Variants in KIF13A observed in about 807,000 individuals in gnomAD.
KIF13A encodes kinesin family member 13A, also known as kinesin-like protein KIF13A.
A neutral mutation model predicts 212.2 loss-of-function variants in KIF13A; 79 were observed. The observed-to-expected ratio is 0.37, with a 90% CI of 0.31 to 0.45. The LOEUF is 0.45. KIF13A is among the 20% of genes least tolerant of loss of function. The pLI is 1.00. For synonymous variants in KIF13A, 789 were observed against 808.6 expected (o/e 0.98, Z 0.41); for missense variants, 1,901 against 2,209.0 (o/e 0.86, Z 2.79).
rs1399852443 is a variant in KIF13A, at chr6:17,825,818, T to C, written c.1736A>G (p.Asn579Ser). 3 of 1,613,822 alleles carry C rather than the reference T, an allele frequency of 1.9e-6. No homozygotes were observed. In the African/African-American group the frequency reaches 4.0e-5, roughly 22 times the overall value. The part of the protein sequence containing the change: ...ASEASSEPDY[N>S]YEFAQMEVIM... ...AACTTCCATCTGTGCAAATTCATAG[T>C]TATAGTCTGGTTCAGAGGAAGCCTC... Residue 579 changes from asparagine (N) to serine (S), a missense_variant, in exon 16 of 39, where the codon AAC becomes AGC. Physicochemically the swap from Asn to Ser is conservative, Grantham distance 46 (BLOSUM62 1). Coordinates refer to ENST00000259711, the MANE Select transcript of KIF13A (RefSeq NM_022113.6). This position sits in a 1 kb window ranked among gnomAD's most constrained non-coding sequence, Gnocchi z 4.5.
intron 2 of KIF13A, among the ~76,000 whole-genome samples, chr6:17,943,400 A>ATTTTTTTTTTT (rs11311833): frequency 3.0e-5 from 4 of 132,290 alleles, no homozygotes; most frequent in African/African-American, 2.9e-5. Context: ...TAAAACACAG[A>ATTTTTTTTTTT]TTTTTTTTTT....
intron 3 of KIF13A, among the ~76,000 whole-genome samples, chr6:17,891,324 G>A (rs9297050): frequency 0.58 from 88,417 of 152,014 alleles, 27,172 homozygotes; most frequent in East Asian, 0.76. Flanking sequence ...ATGGTACAAA[G>A]CAATTTATAA....
chr6:17,837,695 T>C lies in KIF13A; in HGVS notation c.831-112A>G. The C allele has an allele frequency of 2.7e-6, 2 of 737,328 alleles. No homozygotes were observed. The highest frequency in any genetic ancestry group is 4.5e-6 in the Non-Finnish European group (2 of 445,490). 45.7% of individuals were successfully genotyped at this position (737,328 alleles called of 1,614,324 possible). ...AATACACGTTGGTGGCTCACGCCCGTAATCCCAGCACTTTGGGAGGCCAAG... is the reference window on the plus strand; with the variant it reads ...AATACACGTTGGTGGCTCACGCCCGCAATCCCAGCACTTTGGGAGGCCAAG... On this transcript the variant is annotated intron_variant, in intron 9 of 38. Coordinates refer to ENST00000259711, the MANE Select transcript of KIF13A (RefSeq NM_022113.6). The surrounding 1 kb of genome is among the most constrained non-coding windows in gnomAD (Gnocchi z 5.4).
rs1256271297 is a variant in KIF13A at position 17,834,402 on chromosome 6, A to C, written c.1156-331T>G. 6.6e-6 allele frequency among the ~76,000 whole-genome samples: 1 copy of C among 152,246 alleles called. No homozygotes were observed. The highest frequency in any genetic ancestry group is 2.4e-5 in the African/African-American group (1 of 41,466). ...AAGCAGGACAAAAGGTTACTTAAGC[A>C]GACTTCTTTTTCAATAAGACGGAGG... On this transcript the variant is annotated intron_variant, in intron 11 of 38. Coordinates refer to ENST00000259711, the MANE Select transcript of KIF13A (RefSeq NM_022113.6). This position sits in a 1 kb window ranked among gnomAD's most constrained non-coding sequence, Gnocchi z 4.0.
Position 17,771,411 on chromosome 6 carries a change from A to AGCATAATTAG in KIF13A, c.4477-203_4477-194dup, listed in dbSNP as rs1421542738. The AGCATAATTAG allele has an allele frequency of 7.1e-6, 4 of 562,976 alleles. No homozygotes were observed. Among genetic ancestry groups the AGCATAATTAG allele is most frequent in the Non-Finnish European group, 1.3e-5 (4 of 316,398 alleles). The allele number at this position is 562,976 out of a possible 1,614,324, so 34.9% of individuals were successfully genotyped here. On this transcript the variant is annotated intron_variant, in intron 37 of 38. Coordinates refer to ENST00000259711, the MANE Select transcript of KIF13A (RefSeq NM_022113.6). The surrounding 1 kb of genome is among the most constrained non-coding windows in gnomAD (Gnocchi z 5.4). ...GGAATAAACAGATTCTGTGGCAAAA[A>AGCATAATTAG]GCATAATTAGTCTTATTTAAAAAAC...
downstream of KIF13A, chr6:17,760,707 C>T: frequency 1.4e-6 from 1 of 710,910 alleles, no homozygotes. Flanking sequence ...AAGGAGGTGG[C>T]CCAGGAAGTG....
intron 3 of KIF13A, among the ~76,000 whole-genome samples, chr6:17,890,908 C>T (rs926159648): frequency 6.6e-6 from 1 of 151,992 alleles, no homozygotes; most frequent in African/African-American, 2.4e-5. Flanking sequence ...AATCCTCCTG[C>T]CTCAGCCTCC....
chr6:17,796,753 A>G lies in KIF13A; in HGVS notation c.2858T>C (p.Val953Ala). Residue 953 changes from valine to alanine, a missense_variant, in exon 23 of 39, where the codon GTA (valine) becomes GCA (alanine). Physicochemically the swap from Val to Ala is moderately conservative, Grantham distance 64. Transcript: ENST00000259711. ...FISDGALAIE[V>A]WGHRCAGNGS... is the part of the protein sequence containing the mutation. The stretch of plus-strand genomic sequence containing the variant: ...ATTTCCAGCACACCGGTGGCCCCAT[A>G]CTTCAATGGCCAGTGCTCCATCTGA... The G allele has an allele frequency of 6.3e-7, 1 of 1,591,540 alleles. No homozygotes were observed. Among genetic ancestry groups the G allele is most frequent in the Non-Finnish European group, 8.6e-7 (1 of 1,167,886 alleles).
chr6:17,882,339 T>C (rs1480586568), intron 3 of KIF13A, among the ~76,000 whole-genome samples: 1 of 152,242 alleles, frequency 6.6e-6, no homozygotes, highest in Non-Finnish European at 1.5e-5. Context: ...ACAAAACAAG[T>C]ATTCTTTTTC....
chr6:17,958,905 A>G (rs1178901742), intron 2 of KIF13A, among the ~76,000 whole-genome samples: 1 of 116,000 alleles, frequency 8.6e-6, no homozygotes, highest in Non-Finnish European at 1.7e-5. Context: ...TTTTTGAGAC[A>G]GGGTCTCACT....
chr6:17,766,879 A>C (rs186620912), intron 38 of KIF13A, among the ~76,000 whole-genome samples: 1 of 152,322 alleles, frequency 6.6e-6, no homozygotes, highest in East Asian at 1.9e-4. Context: ...AAAAAAGTTT[A>C]ATACTCTCTT....
At chr6:17,985,977 T>C (rs995202262) in intron 2 of KIF13A, among the ~76,000 whole-genome samples, 2 of 152,232 alleles carry the variant, frequency 1.3e-5, no homozygotes, top group Non-Finnish European at 2.9e-5. Flanking sequence ...TCATGATTTC[T>C]TTCCCCAAAT....
At position 17,838,562 on chromosome 6, in the gene KIF13A, T is replaced by G. The variant is rs1424129764; in HGVS notation, c.831-979A>C. Among the ~76,000 whole-genome samples, 1 of 152,180 alleles carries G rather than the reference T, an allele frequency of 6.6e-6. No individual in the cohort carries two copies. The highest frequency in any genetic ancestry group is 2.4e-5 in the African/African-American group (1 of 41,436). On this transcript the variant is annotated intron_variant, in intron 9 of 38. Transcript: ENST00000259711. This position sits in a 1 kb window ranked among gnomAD's most constrained non-coding sequence, Gnocchi z 4.2. ...CCAGAATTCATTTGATCAGAATGGC[T>G]GTTAGAATTTTAATAACAGCCATTA...
At chr6:17,810,112 AGATTT>A (rs1235179040) in intron 17 of KIF13A, among the ~76,000 whole-genome samples, 1 of 152,182 alleles carries the variant, frequency 6.6e-6, no homozygotes, top group Non-Finnish European at 1.5e-5. Context: ...ACCCACGCTT[AGATTT>A]GTTCAGTCGG....
Position 17,816,430 on chromosome 6 carries a change from T to A in KIF13A, c.2000+590A>T, listed in dbSNP as rs183131987. ...GTTGCTCAGGCTGGTCTTAAACTCC[T>A]GGGCTCAAGCGATCCTCCCAGTGAC... is the stretch of plus-strand genomic sequence containing the variant. On this transcript the variant is annotated intron_variant, in intron 17 of 38. Coordinates refer to ENST00000259711, the MANE Select transcript of KIF13A (RefSeq NM_022113.6). This position sits in a 1 kb window ranked among gnomAD's most constrained non-coding sequence, Gnocchi z 4.3. Among the ~76,000 whole-genome samples, 26 of 152,288 alleles carry A rather than the reference T, an allele frequency of 1.7e-4. No homozygotes were observed. The highest frequency in any genetic ancestry group is 5.8e-4 in the African/African-American group (24 of 41,570).
At position 17,951,342 on chromosome 6, in the gene KIF13A, G is replaced by C. The variant is rs1341876211; in HGVS notation, c.146+35712C>G. 10 of 639,512 alleles carry C rather than the reference G, an allele frequency of 1.6e-5. No homozygotes were observed. The highest frequency in any genetic ancestry group is 2.0e-5 in the Non-Finnish European group (7 of 354,982). 39.6% of individuals were successfully genotyped at this position (639,512 alleles called of 1,614,324 possible). On this transcript the variant is annotated intron_variant, in intron 2 of 38. Transcript: ENST00000259711. The surrounding 1 kb of genome is among the most constrained non-coding windows in gnomAD (Gnocchi z 4.9). Reference sequence around the variant, plus strand: ...GATGGGGTTTTGCCATGTTGCAAAGGCTGGTCTTGAAATCCTCGGCTCAAG... The same window carrying C: ...GATGGGGTTTTGCCATGTTGCAAAGCCTGGTCTTGAAATCCTCGGCTCAAG...
Position 17,837,619 on chromosome 6 carries a change from T to C in KIF13A, c.831-36A>G, listed in dbSNP as rs766626862. The C allele has an allele frequency of 2.2e-6, 3 of 1,353,888 alleles. No homozygotes were observed. In the South Asian group the frequency reaches 3.7e-5, roughly 17 times the overall value. 83.9% of individuals were successfully genotyped at this position (1,353,888 alleles called of 1,614,324 possible). ...AAAATGAAAAATTAGTTTTATGGAA[T>C]GTTTATTTGGTTTAAGTATAAAATA... On this transcript the variant is annotated intron_variant, in intron 9 of 38. Transcript: ENST00000259711. This position sits in a 1 kb window ranked among gnomAD's most constrained non-coding sequence, Gnocchi z 5.4.
At chr6:17,802,345 G>A (rs994158833) in intron 20 of KIF13A, among the ~76,000 whole-genome samples, 19 of 150,888 alleles carry the variant, frequency 1.3e-4, no homozygotes, top group Admixed American at 8.6e-4. Context: ...AGGCTGGAGT[G>A]CAATGGCGCG....
At position 17,915,297 on chromosome 6, in the gene KIF13A, G is replaced by A. The variant is rs181014927; in HGVS notation, c.147-17117C>T. On this transcript the variant is annotated intron_variant, in intron 2 of 38. Coordinates refer to ENST00000259711, the MANE Select transcript of KIF13A (RefSeq NM_022113.6). This position sits in a 1 kb window ranked among gnomAD's most constrained non-coding sequence, Gnocchi z 4.4. ...GTTCCATTCTTGCCTCCACCACTTT[G>A]TAGGGACCTTGGACCTGGTGCTTAA... Among the ~76,000 whole-genome samples the A allele has an allele frequency of 8.5e-5, 13 of 152,284 alleles. No homozygotes were observed. Among genetic ancestry groups the A allele is most frequent in the Admixed American group, 7.2e-4 (11 of 15,296 alleles).
Sources: allele counts gnomAD v4.1 joint callset (sites outside exome capture counted in the v4.1 genomes callset), GRCh38; gene constraint gnomAD v4.1.1; non-coding constraint Gnocchi (gnomAD v3.1); transcripts MANE v1.5; gene names NCBI Gene and HGNC (gene_info 2026-07-23, HGNC 2026-07-21).